Variants in EXOSC5 observed in about 807,000 individuals in gnomAD.
The protein encoded by EXOSC5 is exosome complex component RRP46.
Under a neutral mutation model 23.7 loss-of-function variants are expected in EXOSC5, and 15 were observed. The ratio of observed to expected loss-of-function variants is 0.63; its 90% CI spans 0.42 to 0.97. The LOEUF (loss-of-function observed/expected upper bound fraction) is 0.97, where lower values mean the gene tolerates loss of function less well. EXOSC5 is among the 50% of genes least tolerant of loss of function. The pLI is 0.00. For missense variants in EXOSC5, 305 were observed against 316.3 expected (o/e 0.96, Z 0.27); for synonymous variants, 143 against 140.9 (o/e 1.02, Z -0.11).
At chr19:41,396,543 G>C (rs1259884538) in intron 1 of EXOSC5, among the ~76,000 whole-genome samples, 1 of 151,884 alleles carries the variant, frequency 6.6e-6, no homozygotes, top group Non-Finnish European at 1.5e-5. Flanking sequence ...AATATTCTTG[G>C]AGTTAATCTA....
intron 5 of EXOSC5, 147 bp downstream of exon 5, chr19:41,387,367 T>A (rs2038991795): frequency 3.2e-6 from 2 of 623,496 alleles, no homozygotes; most frequent in East Asian, 3.2e-5. Context: ...GGTTTCTGGG[T>A]CCACAAAGTT....
Position 41,386,583 on chromosome 19 carries a change from G to C in EXOSC5, c.*50C>G. 1 of 1,531,498 alleles carries C rather than the reference G, an allele frequency of 6.5e-7. No individual in the cohort carries two copies. Among genetic ancestry groups the C allele is most frequent in the South Asian group, 1.2e-5 (1 of 83,682 alleles). The allele number at this position is 1,531,498 out of a possible 1,614,324, so 94.9% of individuals were successfully genotyped here. A position where few individuals can be genotyped will look rare whatever the true frequency, so the allele number is the denominator to read the frequency against. The stretch of plus-strand genomic sequence containing the variant: ...GGCTGCTGGTTTGCTTCAGGCTGTA[G>C]GGGGTGAGTGGGTGGAGGCAATGGG... On this transcript the variant is annotated 3_prime_UTR_variant, in exon 6 of 6. Transcript: ENST00000221233.
In EXOSC5 at chr19:41,392,958, ACCC is replaced by A; in HGVS notation, c.168_170del (p.Gly57del). 6.2e-7 allele frequency: 1 copy of A among 1,612,972 alleles called. No individual in the cohort carries two copies. Among genetic ancestry groups the A allele is most frequent in the Admixed American group, 1.7e-5 (1 of 59,986 alleles). On this transcript the variant is annotated inframe_deletion, in exon 2 of 6. Transcript: ENST00000221233. ...CCTTCACCTCGGCCGGCCCGTACAC[ACCC>A]GCCAGGACAGAGGTGTCACCTGAGG...
At position 41,395,355 on chromosome 19, in the gene EXOSC5, C is replaced by T. The variant is rs1211572744; in HGVS notation, c.148+1826G>A. ...TCCAGATGAACTGCCTGTGTTTTGC[C>T]CGAGCACAAGAGTCTCTCCCCTCTC... On this transcript the variant is annotated intron_variant, in intron 1 of 5. Coordinates refer to ENST00000221233, the MANE Select transcript of EXOSC5 (RefSeq NM_020158.4). Among the ~76,000 whole-genome samples, 3 of 152,148 alleles carry T rather than the reference C, an allele frequency of 2.0e-5. No homozygotes were observed. In the East Asian group the frequency reaches 5.8e-4, roughly 29 times the overall value.
At chr19:41,390,874 T>TG (rs2039018366) in intron 3 of EXOSC5, among the ~76,000 whole-genome samples, 1 of 152,222 alleles carries the variant, frequency 6.6e-6, no homozygotes, top group African/African-American at 2.4e-5. Flanking sequence ...CTTCTCTCTC[T>TG]GCCCATCCAT....
chr19:41,387,238 G>A (rs916440940), intron 5 of EXOSC5, among the ~76,000 whole-genome samples: 4 of 152,142 alleles, frequency 2.6e-5, no homozygotes, highest in Non-Finnish European at 5.9e-5. Flanking sequence ...AATTCCCATG[G>A]CTCACCACTC....
At chr19:41,391,633 C>T in intron 3 of EXOSC5, 2 of 557,700 alleles carry the variant, frequency 3.6e-6, no homozygotes, top group East Asian at 6.9e-5. Context: ...AGGGCATGTG[C>T]TATATTACAT....
chr19:41,395,049 A>G lies in EXOSC5; in HGVS notation c.149-2069T>C, dbSNP rs1338305774. ...ACTCCATCTCAAAAAAAAAAAAAGA[A>G]AAAAAAAAAAAGAACTCCTGACCTC... On this transcript the variant is annotated intron_variant, in intron 1 of 5. Transcript: ENST00000221233. 1.8e-4 allele frequency among the ~76,000 whole-genome samples: 4 copies of G among 22,846 alleles called. No individual in the cohort carries two copies. The East Asian group carries it at 2.3e-3, about 13-fold the overall frequency. 15.0% of individuals were successfully genotyped at this position (22,846 alleles called of 152,430 possible). A position where few individuals can be genotyped will look rare whatever the true frequency, so the allele number is the denominator to read the frequency against.
chr19:41,392,054 G>A (rs536558774), intron 2 of EXOSC5, 92 bp from the exon 3 acceptor site: 14 of 1,509,010 alleles, frequency 9.3e-6, no homozygotes, highest in South Asian at 7.8e-5. Flanking sequence ...AAGGGCTCAC[G>A]GTCTCAGCCT....
chr19:41,387,642 C>A, intron 4 of EXOSC5, 39 bp from the exon 5 acceptor site: 1 of 1,431,720 alleles, frequency 7.0e-7, no homozygotes, highest in South Asian at 1.3e-5. Context: ...GGACCTAGGA[C>A]CTTCCCCTCA....
At chr19:41,392,816 G>T in intron 2 of EXOSC5, 51 bp downstream of exon 2, 1 of 1,558,206 alleles carries the variant, frequency 6.4e-7, no homozygotes, top group Middle Eastern at 1.8e-4. Flanking sequence ...AGCTGGGGGG[G>T]TGATTTTGAC....
rs150055432 is a variant in EXOSC5 at position 41,388,478 on chromosome 19, G to A, written c.526-875C>T. 1.9e-3 allele frequency among the ~76,000 whole-genome samples: 294 copies of A among 152,356 alleles called. 2 individuals carry two copies. The highest frequency in any genetic ancestry group is 6.9e-3 in the African/African-American group (286 of 41,580). On this transcript the variant is annotated intron_variant, in intron 4 of 5. Coordinates refer to ENST00000221233, the MANE Select transcript of EXOSC5 (RefSeq NM_020158.4). ...CTGGACCTCAGTGGCCAGGGCAGAA[G>A]CAGGACATGCTATGTGCATCCAGAA...
At chr19:41,391,642 A>G in intron 3 of EXOSC5, 199 bp downstream of exon 3, 1 of 597,158 alleles carries the variant, frequency 1.7e-6, no homozygotes, top group Non-Finnish European at 2.7e-6. Flanking sequence ...GCTATATTAC[A>G]TGAGTTAATG....
chr19:41,391,652 G>C, intron 3 of EXOSC5, 189 bp downstream of exon 3: 1 of 654,500 alleles, frequency 1.5e-6, no homozygotes, highest in Non-Finnish European at 2.4e-6. Flanking sequence ...ATGAGTTAAT[G>C]TGCATAAGGC....
intron 5 of EXOSC5, 89 bp downstream of exon 5, chr19:41,387,425 C>T: frequency 9.7e-7 from 1 of 1,033,100 alleles, no homozygotes; most frequent in Non-Finnish European, 1.4e-6. Flanking sequence ...TCTCCTGAAG[C>T]CTCTCAGAAT....
chr19:41,392,329 C>T (rs563592229), intron 2 of EXOSC5, among the ~76,000 whole-genome samples: 1 of 152,334 alleles, frequency 6.6e-6, no homozygotes, highest in African/African-American at 2.4e-5. Context: ...CGCCTGTAAT[C>T]CCAACACTTT....
chr19:41,390,263 C>G (rs1387587979), intron 3 of EXOSC5, among the ~76,000 whole-genome samples: 2 of 152,150 alleles, frequency 1.3e-5, no homozygotes, highest in Non-Finnish European at 2.9e-5. Flanking sequence ...GCCTGGCCAG[C>G]AGAGCAGATC....
intron 1 of EXOSC5, among the ~76,000 whole-genome samples, chr19:41,396,808 G>A (rs1248013719): frequency 7.0e-6 from 1 of 143,646 alleles, no homozygotes; most frequent in African/African-American, 2.6e-5. Context: ...GTTTGCTTCA[G>A]TCCGGGATGC....
At chr19:41,392,031 C>G in intron 2 of EXOSC5, 69 bp from the exon 3 acceptor site, 1 of 1,529,080 alleles carries the variant, frequency 6.5e-7, no homozygotes, top group South Asian at 1.3e-5. Flanking sequence ...TACGCCTCAC[C>G]CAAATTCCCA....
Sources: allele counts gnomAD v4.1 joint callset (sites outside exome capture counted in the v4.1 genomes callset), GRCh38; gene constraint gnomAD v4.1.1; transcripts MANE v1.5; gene names NCBI Gene and HGNC (gene_info 2026-07-23, HGNC 2026-07-21).